The following MDGA2 variants were observed in gnomAD, a reference collection of about 807,000 sequenced individuals.
The protein encoded by MDGA2 is MAM domain-containing glycosylphosphatidylinositol anchor protein 2.
A neutral mutation model predicts 117.8 loss-of-function variants in MDGA2; 40 were observed. The observed-to-expected ratio is 0.34, with a 90% confidence interval of 0.26 to 0.44. MDGA2 has a LOEUF of 0.44. MDGA2 is among the 20% of genes least tolerant of loss of function. The probability of loss-of-function intolerance (pLI) is 1.00; values close to 1 mark genes in which losing one functional copy is unlikely to be tolerated. For synonymous variants in MDGA2, 452 were observed against 439.0 expected (o/e 1.03, Z -0.37); for missense variants, 1,123 against 1,250.6 (o/e 0.90, Z 1.54).
intron 1 of MDGA2, among the ~76,000 whole-genome samples, chr14:47,433,491 GA>G (rs753911233): frequency 3.0e-4 from 45 of 151,978 alleles, no homozygotes; most frequent in Non-Finnish European, 2.2e-4. Flanking sequence ...TAAAATAATC[GA>G]GATGACTATT....
At chr14:47,211,038 A>T (rs1191635163) in intron 3 of MDGA2, among the ~76,000 whole-genome samples, 1 of 152,200 alleles carries the variant, frequency 6.6e-6, no homozygotes, top group Non-Finnish European at 1.5e-5. Context: ...TGCATCTTAC[A>T]TAAATGGCAG....
chr14:47,180,320 A>C (rs138283831), intron 3 of MDGA2, among the ~76,000 whole-genome samples: 15 of 152,336 alleles, frequency 9.8e-5, no homozygotes, highest in Non-Finnish European at 1.9e-4. Flanking sequence ...CACCAAAAGC[A>C]ACTGCATCAA....
At chr14:47,450,640 T>C (rs1893222082) in intron 1 of MDGA2, among the ~76,000 whole-genome samples, 1 of 152,114 alleles carries the variant, frequency 6.6e-6, no homozygotes, top group Non-Finnish European at 1.5e-5. Flanking sequence ...TTTTGAGAAC[T>C]GACTACAATG....
intron 1 of MDGA2, among the ~76,000 whole-genome samples, chr14:47,445,343 C>T (rs1425671043): frequency 6.6e-6 from 1 of 152,068 alleles, no homozygotes; most frequent in Non-Finnish European, 1.5e-5. Context: ...TTTTGGCCAC[C>T]TTCATCACCT....
chr14:47,299,767 G>A (rs534602455), intron 2 of MDGA2, among the ~76,000 whole-genome samples: 1 of 151,986 alleles, frequency 6.6e-6, no homozygotes, highest in African/African-American at 2.4e-5. Flanking sequence ...TTGTCTTTTG[G>A]AATCTTTTTT....
At chr14:46,847,900 A>G (rs548517484) in intron 15 of MDGA2, among the ~76,000 whole-genome samples, 1 of 152,124 alleles carries the variant, frequency 6.6e-6, no homozygotes, top group Admixed American at 6.6e-5. Context: ...TCCTTTTTCC[A>G]AAAAGTAGGT....
chr14:47,626,918 T>A (rs1255527473), intron 1 of MDGA2, among the ~76,000 whole-genome samples: 1 of 152,230 alleles, frequency 6.6e-6, no homozygotes, highest in Admixed American at 6.5e-5. Context: ...GGCAGGCAGC[T>A]CCACCTGCAC....
intron 16 of MDGA2, 56 bp from the exon 17 acceptor site, chr14:46,842,075 G>A (rs750656387): frequency 5.3e-6 from 6 of 1,139,158 alleles, no homozygotes; most frequent in East Asian, 2.4e-5. Flanking sequence ...AGCATTCCAC[G>A]TAGCTACTAA....
intron 1 of MDGA2, among the ~76,000 whole-genome samples, chr14:47,402,848 T>TTCTCTCTTC (rs1159564115): frequency 1.3e-5 from 2 of 152,160 alleles, no homozygotes; most frequent in Middle Eastern, 3.4e-3. Context: ...TTCAAAATCC[T>TTCTCTCTTC]TCTCTTCTGT....
intron 3 of MDGA2, among the ~76,000 whole-genome samples, chr14:47,187,480 TTTAAGTA>T (rs1884953028): frequency 6.6e-6 from 1 of 152,068 alleles, no homozygotes; most frequent in Non-Finnish European, 1.5e-5. Context: ...CATTGAAATT[TTTAAGTA>T]TTAAGTATTA....
chr14:47,355,054 A>G (rs1890963585), intron 1 of MDGA2, among the ~76,000 whole-genome samples: 1 of 152,126 alleles, frequency 6.6e-6, no homozygotes, highest in South Asian at 2.1e-4. Context: ...AAGAAGGGGC[A>G]GCTACTGTGC....
chr14:47,131,363 CA>C (rs979599502), intron 5 of MDGA2, among the ~76,000 whole-genome samples: 3 of 151,782 alleles, frequency 2.0e-5, no homozygotes, highest in Admixed American at 6.6e-5. Context: ...TTTGAAAGCA[CA>C]AAACTCATTT....
chr14:46,868,992 C>T (rs1881888911), intron 14 of MDGA2, among the ~76,000 whole-genome samples: 1 of 151,988 alleles, frequency 6.6e-6, no homozygotes, highest in Non-Finnish European at 1.5e-5. Flanking sequence ...AAGTCTCATT[C>T]CACAGCCAGA....
intron 1 of MDGA2, among the ~76,000 whole-genome samples, chr14:47,337,152 T>C (rs141993052): frequency 2.0e-4 from 31 of 152,270 alleles, no homozygotes; most frequent in African/African-American, 7.0e-4. Context: ...ATTATAGTGA[T>C]ACCGTTTTTA....
At chr14:47,081,740 A>G (rs1313323302) in intron 6 of MDGA2, among the ~76,000 whole-genome samples, 1 of 152,154 alleles carries the variant, frequency 6.6e-6, no homozygotes, top group East Asian at 1.9e-4. Context: ...TTTAGTATGC[A>G]GTGACTGCAA....
chr14:47,571,718 C>G (rs1369177143), intron 1 of MDGA2, among the ~76,000 whole-genome samples: 1 of 138,004 alleles, frequency 7.2e-6, no homozygotes, highest in African/African-American at 2.8e-5. Flanking sequence ...AACACATGGA[C>G]ATAAGGCGGG....
chr14:47,509,223 AATGCT>A (rs1437635991), intron 1 of MDGA2, among the ~76,000 whole-genome samples: 8 of 152,328 alleles, frequency 5.3e-5, no homozygotes, highest in Non-Finnish European at 1.2e-4. Flanking sequence ...AAAAAGATAG[AATGCT>A]AGAAGCACCT....
intron 1 of MDGA2, among the ~76,000 whole-genome samples, chr14:47,442,702 T>C (rs73258174): frequency 0.031 from 4,744 of 152,184 alleles, 247 homozygotes; most frequent in African/African-American, 0.11. Flanking sequence ...CCCACATCCA[T>C]CACCTTCCTG....
intron 6 of MDGA2, among the ~76,000 whole-genome samples, chr14:47,066,819 G>A (rs571087433): frequency 6.6e-6 from 1 of 152,236 alleles, no homozygotes; most frequent in East Asian, 1.9e-4. Flanking sequence ...TGGTTAATGA[G>A]GTTACATTAA....
Sources: gnomAD v4.1 joint callset for allele counts (sites outside exome capture counted in the v4.1 genomes callset) on GRCh38, gnomAD v4.1.1 for gene constraint, MANE v1.5 for transcripts, NCBI Gene and HGNC (gene_info 2026-07-23, HGNC 2026-07-21) for gene names.